TTC23: variants seen among roughly 807,000 people sequenced by gnomAD.
TTC23 encodes tetratricopeptide repeat protein 23.
In TTC23, 58 loss-of-function variants were observed where a neutral mutation model predicts 55.1. The observed-to-expected ratio is 1.05, with a 90% CI of 0.85 to 1.31. The LOEUF is 1.31. Ranked by LOEUF, TTC23 falls within the 50% of genes most tolerant of loss-of-function variation. The pLI is 0.00. For synonymous variants in TTC23, 203 were observed against 199.9 expected (o/e 1.02, Z -0.13); for missense variants, 516 against 534.4 (o/e 0.97, Z 0.34).
intron 8 of TTC23, among the ~76,000 whole-genome samples, chr15:99,204,568 T>A (rs897675319): frequency 6.6e-6 from 1 of 151,324 alleles, no homozygotes; most frequent in Non-Finnish European, 1.5e-5. Flanking sequence ...CCCAGACCGA[T>A]TTCCTGGAGT....
chr15:99,193,137 C>T (rs959229506), intron 9 of TTC23, among the ~76,000 whole-genome samples: 6 of 152,142 alleles, frequency 3.9e-5, no homozygotes, highest in East Asian at 1.9e-4. Flanking sequence ...CATAGGCAGA[C>T]AGGACTTGCC....
At chr15:99,171,805 C>T (rs1338101200) in intron 10 of TTC23, among the ~76,000 whole-genome samples, 1 of 151,864 alleles carries the variant, frequency 6.6e-6, no homozygotes, top group African/African-American at 2.4e-5. Flanking sequence ...CTCTTGACCT[C>T]GTGATCCACC....
At chr15:99,224,736 G>A (rs760211675) in intron 5 of TTC23, among the ~76,000 whole-genome samples, 16 of 152,210 alleles carry the variant, frequency 1.1e-4, no homozygotes, top group Non-Finnish European at 7.3e-5. Context: ...TACTTTCAGC[G>A]CAGCACATGT....
At position 99,138,032 on chromosome 15, in the gene TTC23, C is replaced by T. The variant is rs202124987; in HGVS notation, c.1322G>A (p.Arg441Gln). The T allele has an allele frequency of 9.2e-5, 149 of 1,613,942 alleles. No individual in the cohort carries two copies. The highest frequency in any genetic ancestry group is 1.1e-4 in the Non-Finnish European group (133 of 1,180,008). Residue 441 changes from arginine (R) to glutamine (Q), a missense_variant, in exon 14 of 14, where the codon CGG (arginine) becomes CAG (glutamine). By Grantham distance (43) the Arg-to-Gln change is conservative. Transcript: ENST00000394132. ...IPQDTLLGKA[R>Q]PGTTAD ...GCCTCAGTCTGCTGTTGTGCCGGGC[C>T]GGGCCTTCCCCAGCAGGGTGTCCTG...
chr15:99,249,703 T>C (rs2080560597), upstream of TTC23: 1 of 152,128 alleles, frequency 6.6e-6, no homozygotes, highest in South Asian at 2.1e-4. Context: ...TAAAATGAGG[T>C]CTTTTCCTTG....
Position 99,137,731 on chromosome 15 carries a change from A to G in TTC23, c.*279T>C, listed in dbSNP as rs1427248883. The G allele has an allele frequency of 4.8e-6, 2 of 417,252 alleles. No individual in the cohort carries two copies. The highest frequency in any genetic ancestry group is 8.7e-6 in the Non-Finnish European group (2 of 228,624). 25.8% of individuals were successfully genotyped at this position (417,252 alleles called of 1,614,324 possible). On this transcript the variant is annotated 3_prime_UTR_variant, in exon 14 of 14. Coordinates refer to ENST00000394132, the MANE Select transcript of TTC23 (RefSeq NM_001288615.3). ...CTGAACTGTTGAAGAGAAGTTTTTCAGCCACAGTAGTGCTGATGGGTAAAA... is the reference window on the plus strand; with the variant it reads ...CTGAACTGTTGAAGAGAAGTTTTTCGGCCACAGTAGTGCTGATGGGTAAAA...
intron 3 of TTC23, among the ~76,000 whole-genome samples, chr15:99,241,121 A>G (rs535098988): frequency 6.6e-6 from 1 of 152,276 alleles, no homozygotes; most frequent in Non-Finnish European, 1.5e-5. Context: ...GTTCGAGGCC[A>G]GCCTGACCAA....
At chr15:99,178,137 G>A (rs1225090123) in intron 9 of TTC23, among the ~76,000 whole-genome samples, 2 of 152,130 alleles carry the variant, frequency 1.3e-5, no homozygotes, top group South Asian at 2.1e-4. Flanking sequence ...AGCCGTGATC[G>A]TGTACTGCAC....
chr15:99,139,369 G>C lies in TTC23; in HGVS notation c.1174C>G (p.Pro392Ala). 6.2e-7 allele frequency: 1 copy of C among 1,614,054 alleles called. No individual in the cohort carries two copies. Among genetic ancestry groups the C allele is most frequent in the Non-Finnish European group, 8.5e-7 (1 of 1,180,024 alleles). The stretch of plus-strand genomic sequence containing the variant: ...GTGGCCAGAGTCCTTTTGTCCTGCG[G>C]TCCATATAAGAGGGTCTGGATCTGG... The part of the protein sequence containing the change: ...CLQIQTLLYG[P>A]QDKRTLATQQ... Residue 392 changes from proline to alanine, a missense_variant, in exon 13 of 14, where the codon CCG becomes GCG. Pro to Ala is a conservative substitution (Grantham distance 27). Transcript: ENST00000394132.
chr15:99,201,677 A>C (rs991846811), intron 8 of TTC23, among the ~76,000 whole-genome samples: 1 of 152,194 alleles, frequency 6.6e-6, no homozygotes, highest in Non-Finnish European at 1.5e-5. Flanking sequence ...GGAAGACTTC[A>C]GGGACTAAGG....
chr15:99,194,009 CAA>C (rs111912962), intron 9 of TTC23, among the ~76,000 whole-genome samples: 5 of 129,172 alleles, frequency 3.9e-5, no homozygotes, highest in Non-Finnish European at 1.7e-5. Context: ...GACTCTATCT[CAA>C]AAAAAAAAAA....
intron 12 of TTC23, among the ~76,000 whole-genome samples, chr15:99,146,537 G>A (rs1394267483): frequency 1.3e-5 from 2 of 152,186 alleles, no homozygotes; most frequent in Non-Finnish European, 2.9e-5. Context: ...GCGAAGCTCC[G>A]AAAAACCGCT....
At chr15:99,176,497 GC>G (rs1195395319) in intron 9 of TTC23, among the ~76,000 whole-genome samples, 1 of 152,116 alleles carries the variant, frequency 6.6e-6, no homozygotes, top group Non-Finnish European at 1.5e-5. Context: ...TGCAGTCCCA[GC>G]TACTCGGGAG....
intron 3 of TTC23, among the ~76,000 whole-genome samples, chr15:99,236,855 T>G (rs1398821694): frequency 6.6e-6 from 1 of 152,228 alleles, no homozygotes; most frequent in Non-Finnish European, 1.5e-5. Context: ...GCACAAAAGT[T>G]TTCAATTTTG....
intron 9 of TTC23, among the ~76,000 whole-genome samples, chr15:99,187,270 C>T (rs1010769942): frequency 3.3e-5 from 5 of 151,046 alleles, no homozygotes; most frequent in African/African-American, 2.4e-5. Flanking sequence ...CCCTCTACCC[C>T]GCCAAAAAAG....
rs1054753905 is a variant in TTC23 at position 99,214,425 on chromosome 15, T to C, written c.581+4163A>G. The stretch of plus-strand genomic sequence containing the variant: ...CGGGAGCTGAGGCAGGAGAATGGCG[T>C]GAACCCGGGAAGGTAGAACTTGCAG... On this transcript the variant is annotated intron_variant, in intron 8 of 13. Coordinates refer to ENST00000394132, the MANE Select transcript of TTC23 (RefSeq NM_001288615.3). Among the ~76,000 whole-genome samples, 8 of 146,296 alleles carry C rather than the reference T, an allele frequency of 5.5e-5. No homozygotes were observed. In the East Asian group the frequency reaches 1.4e-3, roughly 26 times the overall value.
chr15:99,224,623 C>T (rs2078235335), intron 5 of TTC23, among the ~76,000 whole-genome samples: 2 of 152,330 alleles, frequency 1.3e-5, no homozygotes, highest in South Asian at 4.1e-4. Context: ...AACATTTCCA[C>T]AAAACAAATT....
intron 5 of TTC23, among the ~76,000 whole-genome samples, chr15:99,222,124 T>C (rs1032273803): frequency 1.3e-5 from 2 of 151,970 alleles, no homozygotes; most frequent in African/African-American, 2.4e-5. Flanking sequence ...AAAAAAGAAA[T>C]AGAATTTAAA....
chr15:99,229,351 C>A (rs2078746752), intron 4 of TTC23, among the ~76,000 whole-genome samples: 1 of 152,080 alleles, frequency 6.6e-6, no homozygotes, highest in Non-Finnish European at 1.5e-5. Context: ...GATAAGCAGC[C>A]CACAGAACAA....
Sources: gnomAD v4.1 joint callset for allele counts (sites outside exome capture counted in the v4.1 genomes callset) on GRCh38, gnomAD v4.1.1 for gene constraint, MANE v1.5 for transcripts, NCBI Gene and HGNC (gene_info 2026-07-23, HGNC 2026-07-21) for gene names.